The following PLXND1 variants were observed in gnomAD, a reference collection of about 807,000 sequenced individuals.
PLXND1 encodes the protein plexin-D1.
Under a neutral mutation model 197.7 loss-of-function variants are expected in PLXND1, and 54 were observed. The ratio of observed to expected loss-of-function variants is 0.27; its 90% CI spans 0.22 to 0.34. The LOEUF is 0.34. Ranked by LOEUF, PLXND1 falls within the 10% of genes least tolerant of loss-of-function variation. The probability of loss-of-function intolerance (pLI) is 1.00; values close to 1 mark genes in which losing one functional copy is unlikely to be tolerated. For synonymous variants in PLXND1, 1,180 were observed against 1,161.2 expected (o/e 1.02, Z -0.33); for missense variants, 2,127 against 2,699.2 (o/e 0.79, Z 4.70).
rs531607629 is a variant in PLXND1, at chr3:129,558,633, G to A, written c.5298-58C>T. 1 of 1,541,600 alleles carries A rather than the reference G, an allele frequency of 6.5e-7. No individual in the cohort carries two copies. The highest frequency in any genetic ancestry group is 1.2e-5 in the South Asian group (1 of 86,722). The stretch of plus-strand genomic sequence containing the variant: ...AGGGTGGGGTAGGAAGCAGTCGAGG[G>A]ACAGTTGTGGAGGAGAGAGCTGGCT... On this transcript the variant is annotated intron_variant, in intron 32 of 35. Transcript: ENST00000324093. This position sits in a 1 kb window ranked among gnomAD's most constrained non-coding sequence, Gnocchi z 4.1.
intron 15 of PLXND1, 63 bp from the exon 16 acceptor site, chr3:129,571,907 CCT>C: frequency 1.3e-6 from 2 of 1,490,858 alleles, no homozygotes; most frequent in East Asian, 4.9e-5. Flanking sequence ...CGCCAATGCC[CCT>C]GAGACCTGGG....
intron 7 of PLXND1, 119 bp from the exon 8 acceptor site, chr3:129,583,788 G>A (rs879676160): frequency 1.5e-6 from 1 of 677,332 alleles, no homozygotes; most frequent in Non-Finnish European, 2.6e-6. Context: ...TCATCATCGG[G>A]GCTGCCTGGG....
At chr3:129,560,026 G>A (rs1214978852) in intron 31 of PLXND1, among the ~76,000 whole-genome samples, 2 of 152,228 alleles carry the variant, frequency 1.3e-5, no homozygotes, top group Admixed American at 6.5e-5. Context: ...TGGGGTGCCG[G>A]CGCTGCCACT....
chr3:129,583,456 A>C (rs894469928), intron 8 of PLXND1, 111 bp downstream of exon 8: 1 of 700,036 alleles, frequency 1.4e-6, no homozygotes, highest in Admixed American at 2.5e-5. Flanking sequence ...TAGCTGTCAA[A>C]GCCAAAGCTA....
Position 129,561,874 on chromosome 3 carries a change from T to A in PLXND1, c.4855A>T (p.Ile1619Phe). Residue 1619 changes from isoleucine (I) to phenylalanine (F), a missense_variant, in exon 28 of 36, where the codon ATC becomes TTC. Physicochemically the swap from Ile to Phe is conservative, Grantham distance 21. Transcript: ENST00000324093. ...GAGGTGTCGTCCAGGTCCCGAAGGA[T>A]GTAGCTCTGTGTGCTGGAGGCGAAC... ...EWFASSTQSY[I>F]LRDLDDTSVV... is the part of the protein sequence containing the mutation. 6.2e-7 allele frequency: 1 copy of A among 1,613,876 alleles called. No homozygotes were observed. Among genetic ancestry groups the A allele is most frequent in the Non-Finnish European group, 8.5e-7 (1 of 1,179,900 alleles).
intron 1 of PLXND1, among the ~76,000 whole-genome samples, chr3:129,602,787 T>C (rs2085729344): frequency 6.6e-6 from 1 of 152,162 alleles, no homozygotes; most frequent in Non-Finnish European, 1.5e-5. Flanking sequence ...GCTTGGTGCT[T>C]ACTGTGTACT....
intron 32 of PLXND1, chr3:129,559,321 G>C: frequency 3.2e-6 from 1 of 307,710 alleles, no homozygotes; most frequent in Non-Finnish European, 5.9e-6. Flanking sequence ...TATCTGTGAA[G>C]TGGAGCTGAT....
intron 34 of PLXND1, 70 bp from the exon 35 acceptor site, chr3:129,556,761 G>C (rs2108760115): frequency 8.8e-7 from 1 of 1,137,538 alleles, no homozygotes; most frequent in East Asian, 2.4e-5. Context: ...AGCAAAGCCA[G>C]CTGCTTGCAC....
rs1255058227 is a variant in PLXND1, at chr3:129,606,516, C to T, written c.124G>A (p.Ala42Thr). ...PLLLLLLLGA[A>T]RAGALEIQRR... The stretch of plus-strand genomic sequence containing the variant: ...TGGATCTCCAGGGCGCCGGCCCGCG[C>T]CGCCCCCAGGAGCAGCAGCAACAGC... Residue 42 changes from alanine (A) to threonine (T), a missense_variant, in exon 1 of 36, where the codon GCG becomes ACG. Physicochemically the swap from Ala to Thr is moderately conservative, Grantham distance 58. Coordinates refer to ENST00000324093, the MANE Select transcript of PLXND1 (RefSeq NM_015103.3). 5 of 1,389,688 alleles carry T rather than the reference C, an allele frequency of 3.6e-6. No individual in the cohort carries two copies. Among genetic ancestry groups the T allele is most frequent in the Non-Finnish European group, 3.7e-6 (4 of 1,074,404 alleles). 86.1% of individuals were successfully genotyped at this position (1,389,688 alleles called of 1,614,324 possible).
In PLXND1 at chr3:129,557,332, C is replaced by A. The variant is rs1235624238; in HGVS notation, c.5446-109G>T. ...CTGCCACATAAGTGACCTTAGCAGG[C>A]CCCCGAGGCCCAAAGAGTCTCACCC... On this transcript the variant is annotated intron_variant, in intron 33 of 35. Transcript: ENST00000324093. The surrounding 1 kb of genome is among the most constrained non-coding windows in gnomAD (Gnocchi z 4.8). 6.5e-6 allele frequency: 8 copies of A among 1,228,892 alleles called. No homozygotes were observed. The highest frequency in any genetic ancestry group is 4.2e-5 in the South Asian group (3 of 71,670). 76.1% of individuals were successfully genotyped at this position (1,228,892 alleles called of 1,614,324 possible). A position where few individuals can be genotyped will look rare whatever the true frequency, so the allele number is the denominator to read the frequency against.
chr3:129,559,765 G>C lies in PLXND1; in HGVS notation c.5152C>G (p.Leu1718Val). 2 of 1,607,868 alleles carry C rather than the reference G, an allele frequency of 1.2e-6. No homozygotes were observed. The highest frequency in any genetic ancestry group is 1.7e-6 in the Non-Finnish European group (2 of 1,177,112). ...AGAATGGCCTTGAACAGGTCATCCA[G>C]AAACTTCTGCAACGTGCCCTGCGGG... is the stretch of plus-strand genomic sequence containing the variant. Reference protein sequence around the residue: ...LSTKGTLQKFLDDLFKAILSI... With the variant: ...LSTKGTLQKFVDDLFKAILSI... The change falls in exon 32 of 36, where the codon CTG becomes GTG. Residue 1718 changes from leucine to valine, a missense_variant. Leu to Val is a conservative substitution (Grantham distance 32). Transcript: ENST00000324093.
intron 30 of PLXND1, 36 bp from the exon 31 acceptor site, chr3:129,560,470 G>A (rs1235065328): frequency 1.4e-6 from 2 of 1,443,716 alleles, no homozygotes; most frequent in Non-Finnish European, 1.9e-6. Context: ...TCCGCACCAG[G>A]CCCCATCCTC....
Position 129,585,939 on chromosome 3 carries a change from C to T in PLXND1, c.1851+13G>A. ...TGTGTCCCGAGCTGGGTCTTGCCTC[C>T]CCCAGGACTCACTGGGTACTCCTGG... is the stretch of plus-strand genomic sequence containing the variant. On this transcript the variant is annotated intron_variant, in intron 5 of 35. Transcript: ENST00000324093. 6.2e-7 allele frequency: 1 copy of T among 1,613,908 alleles called. No homozygotes were observed. Among genetic ancestry groups the T allele is most frequent in the Non-Finnish European group, 8.5e-7 (1 of 1,179,984 alleles).
chr3:129,566,080 C>T, intron 23 of PLXND1, 63 bp from the exon 24 acceptor site: 3 of 1,585,304 alleles, frequency 1.9e-6, no homozygotes, highest in South Asian at 1.1e-5. Flanking sequence ...AGCCTAACAG[C>T]CAGTGCTTAC....
intron 8 of PLXND1, 52 bp from the exon 9 acceptor site, chr3:129,578,485 G>T: frequency 8.7e-7 from 1 of 1,143,440 alleles, no homozygotes. Context: ...CAGAGAAGAG[G>T]CAGGAGGACT....
chr3:129,578,808 T>C (rs1025831989), intron 8 of PLXND1, among the ~76,000 whole-genome samples: 1 of 152,172 alleles, frequency 6.6e-6, no homozygotes, highest in Non-Finnish European at 1.5e-5. Context: ...ACAGGGGGGC[T>C]GCACCCACTC....
chr3:129,555,849 G>A lies in PLXND1; in HGVS notation c.*463C>T. ...AAGTGGAGATAACATTTTGGTAGTT[G>A]AAGCAGAAACCAATCAAAGGTCAGT... On this transcript the variant is annotated 3_prime_UTR_variant, in exon 36 of 36. Transcript: ENST00000324093. 1 of 319,206 alleles carries A rather than the reference G, an allele frequency of 3.1e-6. No homozygotes were observed. Among genetic ancestry groups the A allele is most frequent in the Non-Finnish European group, 5.7e-6 (1 of 174,852 alleles). 19.8% of individuals were successfully genotyped at this position (319,206 alleles called of 1,614,324 possible).
In PLXND1 at chr3:129,556,419, C is replaced by T. The variant is rs371220331; in HGVS notation, c.5671G>A (p.Ala1891Thr). 200 of 1,613,594 alleles carry T rather than the reference C, an allele frequency of 1.2e-4. No individual in the cohort carries two copies. In the East Asian group the frequency reaches 2.1e-3, roughly 17 times the overall value. ...CGGGCCGTGGGGTTGGCCTCCAGCG[C>T]GGCCATGATCTGAGGGGAGCAGCGG... ...AKRYRPQIMA[A>T]LEANPTARRT... The change falls in exon 36 of 36, where the codon GCG (alanine) becomes ACG (threonine). Residue 1891 changes from alanine to threonine, a missense_variant. Physicochemically the swap from Ala to Thr is moderately conservative, Grantham distance 58. This residue lies in a region of PLXND1 where 200 missense variants were observed against 303.3 expected (regional missense o/e 0.66). Coordinates refer to ENST00000324093, the MANE Select transcript of PLXND1 (RefSeq NM_015103.3).
Position 129,565,324 on chromosome 3 carries a change from C to T in PLXND1, c.4521+16G>A. ...CGTCCCCCGCCTGGGCTCTGTCTGTCCCCAGGCAGCCTCACCCGCAGACAG... is the reference window on the plus strand; with the variant it reads ...CGTCCCCCGCCTGGGCTCTGTCTGTTCCCAGGCAGCCTCACCCGCAGACAG... On this transcript the variant is annotated intron_variant, in intron 25 of 35. Coordinates refer to ENST00000324093, the MANE Select transcript of PLXND1 (RefSeq NM_015103.3). 1.2e-6 allele frequency: 2 copies of T among 1,608,494 alleles called. No individual in the cohort carries two copies. Among genetic ancestry groups the T allele is most frequent in the Non-Finnish European group, 1.7e-6 (2 of 1,175,372 alleles).
Sources: gnomAD v4.1 joint callset for allele counts (sites outside exome capture counted in the v4.1 genomes callset) on GRCh38, gnomAD v4.1.1 for gene constraint, gnomAD v4.1.1 regional missense constraint, Gnocchi (gnomAD v3.1) non-coding constraint, MANE v1.5 for transcripts, NCBI Gene and HGNC (gene_info 2026-07-23, HGNC 2026-07-21) for gene names.